SIPA1L2: variants seen among roughly 807,000 people sequenced by gnomAD.
SIPA1L2 encodes signal induced proliferation associated 1 like 2, also known as signal-induced proliferation-associated 1-like protein 2.
SIPA1L2 carries 56 observed loss-of-function variants against 163.9 expected under a neutral mutation model. The observed-to-expected ratio is 0.34, with a 90% CI of 0.28 to 0.43. The LOEUF (loss-of-function observed/expected upper bound fraction) is 0.43. Among genes scored for constraint, SIPA1L2 ranks in the 20% least tolerant of loss-of-function variants. The pLI is 1.00. For missense variants in SIPA1L2, 1,974 were observed against 2,193.5 expected, an observed-to-expected ratio of 0.90 and a Z score of 2.00; for synonymous variants, 877 against 865.7, an observed-to-expected ratio of 1.01 and a Z score of -0.23.
intron 12 of SIPA1L2, among the ~76,000 whole-genome samples, chr1:232,442,569 G>GAAAAAAAAAAAAAAAA (rs1354346558): frequency 7.0e-6 from 1 of 142,784 alleles, no homozygotes; most frequent in African/African-American, 2.7e-5. Context: ...AAAAAAAAAG[G>GAAAAAAAAAAAAAAAA]AAAAAAAAGA....
intron 8 of SIPA1L2, among the ~76,000 whole-genome samples, chr1:232,467,528 G>T (rs1664587736): frequency 6.6e-6 from 1 of 152,162 alleles, no homozygotes; most frequent in African/African-American, 2.4e-5. Flanking sequence ...GTTTGGACTT[G>T]TGATTAGTCT....
chr1:232,450,234 T>C (rs1382715395), intron 10 of SIPA1L2, among the ~76,000 whole-genome samples: 1 of 152,246 alleles, frequency 6.6e-6, no homozygotes, highest in Non-Finnish European at 1.5e-5. Flanking sequence ...GTTACATTAT[T>C]GGTCAAACTG....
At chr1:232,496,247 T>C (rs1302311413) in intron 3 of SIPA1L2, among the ~76,000 whole-genome samples, 1 of 152,236 alleles carries the variant, frequency 6.6e-6, no homozygotes, top group African/African-American at 2.4e-5. Flanking sequence ...TACTTACCAC[T>C]GTGTTACAAC....
intron 7 of SIPA1L2, among the ~76,000 whole-genome samples, chr1:232,474,352 C>T (rs116536175): frequency 1.1e-3 from 175 of 152,274 alleles, no homozygotes; most frequent in African/African-American, 3.9e-3. Flanking sequence ...CAGGAATAAG[C>T]TCTTGTTATG....
chr1:232,615,439 C>T (rs1167785409), intron 1 of SIPA1L2, among the ~76,000 whole-genome samples: 1 of 152,186 alleles, frequency 6.6e-6, no homozygotes, highest in Non-Finnish European at 1.5e-5. Flanking sequence ...GACCCCATCC[C>T]AGCTCCTCAG....
intron 1 of SIPA1L2, among the ~76,000 whole-genome samples, chr1:232,624,601 A>G (rs1394111041): frequency 2.0e-5 from 3 of 152,172 alleles, no homozygotes; most frequent in African/African-American, 7.2e-5. Context: ...TTACCTAGAT[A>G]TTTTTACTTA....
At chr1:232,598,683 C>T (rs1263075909) in intron 1 of SIPA1L2, among the ~76,000 whole-genome samples, 2 of 152,154 alleles carry the variant, frequency 1.3e-5, no homozygotes, top group Non-Finnish European at 2.9e-5. Context: ...CACCATCTTA[C>T]ATGGGTCTCT....
intron 1 of SIPA1L2, among the ~76,000 whole-genome samples, chr1:232,604,711 A>T (rs1221526722): frequency 1.3e-5 from 2 of 152,132 alleles, no homozygotes; most frequent in Non-Finnish European, 2.9e-5. Context: ...AGACTGGATC[A>T]TGGGGGTAGT....
At chr1:232,442,749 A>G (rs985851845) in intron 12 of SIPA1L2, among the ~76,000 whole-genome samples, 4 of 152,232 alleles carry the variant, frequency 2.6e-5, no homozygotes, top group African/African-American at 9.6e-5. Context: ...GTTTATACAA[A>G]AAAGAACACC....
At position 232,432,322 on chromosome 1, in the gene SIPA1L2, T is replaced by C. The variant is rs1476410698; in HGVS notation, c.4181A>G (p.Asn1394Ser). ...TTTCTTCCAGCCGATGACATATTTGTTCACTGCCCCTTGTCTGTGGTAGGG... is the reference window on the plus strand; with the variant it reads ...TTTCTTCCAGCCGATGACATATTTGCTCACTGCCCCTTGTCTGTGGTAGGG... Reference protein sequence around the residue: ...SKPYHRQGAVNKYVIGWKKSE... With the variant: ...SKPYHRQGAVSKYVIGWKKSE... Residue 1394 changes from asparagine to serine, a missense_variant, in exon 16 of 23, where the codon AAC becomes AGC. Coordinates refer to ENST00000674635, the MANE Select transcript of SIPA1L2 (RefSeq NM_020808.5). The C allele has an allele frequency of 1.2e-6, 2 of 1,614,086 alleles. No homozygotes were observed. Among genetic ancestry groups the C allele is most frequent in the Non-Finnish European group, 1.7e-6 (2 of 1,180,042 alleles).
intron 3 of SIPA1L2, among the ~76,000 whole-genome samples, chr1:232,509,581 C>A (rs917462313): frequency 6.6e-6 from 1 of 152,218 alleles, no homozygotes; most frequent in African/African-American, 2.4e-5. Flanking sequence ...GCTCACCCAA[C>A]TCATGATGTT....
chr1:232,580,670 T>C (rs189454438), intron 1 of SIPA1L2, among the ~76,000 whole-genome samples: 1 of 151,900 alleles, frequency 6.6e-6, no homozygotes, highest in African/African-American at 2.4e-5. Context: ...GGATGGTAAA[T>C]TTTTTTTCAG....
chr1:232,445,247 T>C (rs1663143727), intron 11 of SIPA1L2, among the ~76,000 whole-genome samples: 1 of 152,206 alleles, frequency 6.6e-6, no homozygotes, highest in Admixed American at 6.5e-5. Context: ...CTTTCCCATC[T>C]TGGGGAAGAG....
intron 1 of SIPA1L2, among the ~76,000 whole-genome samples, chr1:232,614,441 C>T (rs1160060606): frequency 6.6e-6 from 1 of 152,146 alleles, no homozygotes; most frequent in Non-Finnish European, 1.5e-5. Context: ...TGATTAAGTT[C>T]CACACTGCTC....
At chr1:232,492,537 A>G (rs1032624680) in intron 4 of SIPA1L2, among the ~76,000 whole-genome samples, 1 of 152,158 alleles carries the variant, frequency 6.6e-6, no homozygotes. Flanking sequence ...ATATAAATCA[A>G]TATCTACCTA....
At chr1:232,616,561 A>C (rs955550609) in intron 1 of SIPA1L2, among the ~76,000 whole-genome samples, 2 of 152,226 alleles carry the variant, frequency 1.3e-5, no homozygotes. Flanking sequence ...ATGGTGGCAG[A>C]CACAGATGGA....
chr1:232,478,922 T>C (rs764795000), intron 7 of SIPA1L2, among the ~76,000 whole-genome samples: 4 of 152,234 alleles, frequency 2.6e-5, no homozygotes, highest in African/African-American at 9.6e-5. Flanking sequence ...ACGTAGGTCC[T>C]TTCCTATCTC....
intron 2 of SIPA1L2, among the ~76,000 whole-genome samples, chr1:232,537,128 T>C (rs1657350735): frequency 6.6e-6 from 1 of 152,030 alleles, no homozygotes; most frequent in African/African-American, 2.4e-5. Flanking sequence ...CTCAGTTACT[T>C]GGGAGGCTGA....
chr1:232,611,724 T>G (rs969665531), intron 1 of SIPA1L2, among the ~76,000 whole-genome samples: 5 of 152,252 alleles, frequency 3.3e-5, no homozygotes, highest in African/African-American at 1.2e-4. Context: ...TTCAGTTTTA[T>G]AAGGAAAGCA....
Sources: allele counts gnomAD v4.1 joint callset (sites outside exome capture counted in the v4.1 genomes callset), GRCh38; gene constraint gnomAD v4.1.1; transcripts MANE v1.5; gene names NCBI Gene and HGNC (gene_info 2026-07-23, HGNC 2026-07-21).